CAMK1D: variants seen among roughly 807,000 people sequenced by gnomAD.
CAMK1D encodes calcium/calmodulin-dependent protein kinase type 1D.
Under a neutral mutation model 47.7 loss-of-function variants are expected in CAMK1D, and 9 were observed. The ratio of observed to expected loss-of-function variants is 0.19; its 90% CI spans 0.11 to 0.33. The LOEUF (loss-of-function observed/expected upper bound fraction) is 0.33. Ranked by LOEUF, CAMK1D falls within the 10% of genes least tolerant of loss-of-function variation. CAMK1D has a pLI of 1.00. For missense variants in CAMK1D, 291 were observed against 488.7 expected (o/e 0.60, Z 3.81); for synonymous variants, 184 against 184.9 (o/e 0.99, Z 0.04).
chr10:12,589,443 A>G (rs1209394716), intron 2 of CAMK1D, among the ~76,000 whole-genome samples: 1 of 152,252 alleles, frequency 6.6e-6, no homozygotes, highest in Non-Finnish European at 1.5e-5. Flanking sequence ...CCCGCAGGCC[A>G]TGGCTGAGCT....
intron 2 of CAMK1D, among the ~76,000 whole-genome samples, chr10:12,661,275 A>G (rs1334942628): frequency 1.3e-5 from 2 of 152,210 alleles, no homozygotes; most frequent in Non-Finnish European, 1.5e-5. Context: ...ATTTTATAGA[A>G]ATAACTGAAT....
At chr10:12,452,265 T>C (rs1833106103) in intron 1 of CAMK1D, among the ~76,000 whole-genome samples, 1 of 152,104 alleles carries the variant, frequency 6.6e-6, no homozygotes, top group South Asian at 2.1e-4. Context: ...GTAAACTGAA[T>C]TTACAATATT....
intron 2 of CAMK1D, among the ~76,000 whole-genome samples, chr10:12,635,518 G>C (rs1839490828): frequency 6.6e-6 from 1 of 152,114 alleles, no homozygotes; most frequent in Admixed American, 6.6e-5. Context: ...CTCTGGTCTG[G>C]GGGAGGGTGG....
chr10:12,808,511 G>A (rs968947298), intron 6 of CAMK1D, among the ~76,000 whole-genome samples: 3 of 152,208 alleles, frequency 2.0e-5, no homozygotes, highest in African/African-American at 7.2e-5. Flanking sequence ...CAGCGGCTGA[G>A]CACAGTGGCT....
rs201357067 is a variant in CAMK1D, at chr10:12,791,243, G to A, written c.641+10G>A. On this transcript the variant is annotated intron_variant, in intron 6 of 10. Coordinates refer to ENST00000619168, the MANE Select transcript of CAMK1D (RefSeq NM_153498.4). Reference sequence around the variant, plus strand: ...TGATTGCCTACATCTTGTAAGTACTGCCTGCTGCCTTGGGTTCTTCCTCTA... The same window carrying A: ...TGATTGCCTACATCTTGTAAGTACTACCTGCTGCCTTGGGTTCTTCCTCTA... 52 of 1,612,886 alleles carry A rather than the reference G, an allele frequency of 3.2e-5. No homozygotes were observed. The African/African-American group carries it at 5.2e-4, about 16-fold the overall frequency.
chr10:12,772,848 G>A (rs1197947674), intron 5 of CAMK1D, among the ~76,000 whole-genome samples: 1 of 152,152 alleles, frequency 6.6e-6, no homozygotes, highest in African/African-American at 2.4e-5. Context: ...GGAGTGAGTC[G>A]TGTGGAGGGG....
intron 1 of CAMK1D, among the ~76,000 whole-genome samples, chr10:12,387,774 G>T (rs1442439480): frequency 6.6e-6 from 1 of 151,922 alleles, no homozygotes; most frequent in South Asian, 2.1e-4. Flanking sequence ...ACAGGCATGC[G>T]CTACCGTACC....
intron 2 of CAMK1D, among the ~76,000 whole-genome samples, chr10:12,554,509 C>T (rs1836697856): frequency 7.5e-6 from 1 of 133,426 alleles, no homozygotes; most frequent in Admixed American, 7.5e-5. Context: ...AGAAAGTCCT[C>T]TCTTGTATAA....
chr10:12,515,694 T>C (rs1835188076), intron 1 of CAMK1D, among the ~76,000 whole-genome samples: 1 of 149,376 alleles, frequency 6.7e-6, no homozygotes, highest in Non-Finnish European at 1.5e-5. Context: ...ACTGCAAGCT[T>C]CACCTCCCGG....
intron 2 of CAMK1D, among the ~76,000 whole-genome samples, chr10:12,611,749 G>A (rs1430076353): frequency 3.3e-5 from 5 of 151,678 alleles, no homozygotes; most frequent in African/African-American, 9.7e-5. Flanking sequence ...GTGCCACCAC[G>A]CCCAGCTAAT....
intron 8 of CAMK1D, among the ~76,000 whole-genome samples, chr10:12,819,242 C>T (rs1225299718): frequency 6.6e-6 from 1 of 152,198 alleles, no homozygotes; most frequent in Non-Finnish European, 1.5e-5. Flanking sequence ...CATGAGAAGG[C>T]TTGCCCCAGG....
intron 2 of CAMK1D, among the ~76,000 whole-genome samples, chr10:12,617,589 G>A (rs776768154): frequency 3.3e-5 from 5 of 152,212 alleles, no homozygotes; most frequent in Middle Eastern, 3.2e-3. Flanking sequence ...TTTGAGGAGA[G>A]AAGTAATTTT....
chr10:12,650,995 A>G (rs1042696657), intron 2 of CAMK1D, among the ~76,000 whole-genome samples: 1 of 152,148 alleles, frequency 6.6e-6, no homozygotes, highest in African/African-American at 2.4e-5. Context: ...ATTAAGCTTC[A>G]CACATCCCGA....
chr10:12,794,764 C>T (rs1929384), intron 6 of CAMK1D, among the ~76,000 whole-genome samples: 68,240 of 151,796 alleles, frequency 0.45, 16,128 homozygotes, highest in African/African-American at 0.59. Flanking sequence ...ATGAATGGAC[C>T]CTTGGCATCT....
chr10:12,638,907 A>G (rs1463705332), intron 2 of CAMK1D, among the ~76,000 whole-genome samples: 2 of 151,696 alleles, frequency 1.3e-5, no homozygotes, highest in Non-Finnish European at 2.9e-5. Context: ...TCATCCCCCC[A>G]CTTCTCTCCG....
intron 8 of CAMK1D, among the ~76,000 whole-genome samples, chr10:12,820,073 C>T (rs1323507768): frequency 6.6e-6 from 1 of 152,218 alleles, no homozygotes; most frequent in Non-Finnish European, 1.5e-5. Flanking sequence ...GGGAGCCTCA[C>T]TCTGTCGCCA....
chr10:12,566,371 A>G (rs1837124913), intron 2 of CAMK1D, among the ~76,000 whole-genome samples: 2 of 152,166 alleles, frequency 1.3e-5, no homozygotes, highest in Admixed American at 6.5e-5. Flanking sequence ...GCCTTCTTCC[A>G]GGGGTGAGGC....
chr10:12,672,461 C>T (rs980668642), intron 3 of CAMK1D, among the ~76,000 whole-genome samples: 5 of 151,986 alleles, frequency 3.3e-5, no homozygotes, highest in South Asian at 2.1e-4. Flanking sequence ...CTCTGCCTCC[C>T]GGGTTCAAGT....
At chr10:12,447,433 G>A (rs1387204646) in intron 1 of CAMK1D, among the ~76,000 whole-genome samples, 2 of 152,276 alleles carry the variant, frequency 1.3e-5, no homozygotes, top group African/African-American at 4.8e-5. Context: ...TAGGTGTGGT[G>A]GCTCATGCCT....
Sources: allele counts gnomAD v4.1 joint callset (sites outside exome capture counted in the v4.1 genomes callset), GRCh38; gene constraint gnomAD v4.1.1; transcripts MANE v1.5; gene names NCBI Gene and HGNC (gene_info 2026-07-23, HGNC 2026-07-21).